Variants in PRDM10 observed in about 807,000 individuals in gnomAD.
PRDM10 encodes PR/SET domain 10.
PRDM10 carries 65 observed loss-of-function variants against 133.1 expected under a neutral mutation model. The observed-to-expected ratio is 0.49, with a 90% confidence interval of 0.40 to 0.60. The LOEUF (loss-of-function observed/expected upper bound fraction) is 0.60, where lower values mean the gene tolerates loss of function less well. Among genes scored for constraint, PRDM10 ranks in the 20% least tolerant of loss-of-function variants. The pLI, the probability that PRDM10 is intolerant of heterozygous loss-of-function variation, is 0.00. For synonymous variants in PRDM10, 582 were observed against 580.4 expected (o/e 1.00, Z -0.04); for missense variants, 1,137 against 1,507.1 (o/e 0.75, Z 4.07).
chr11:129,944,512 A>G (rs34120481), intron 6 of PRDM10, among the ~76,000 whole-genome samples: 258 of 151,684 alleles, frequency 1.7e-3, no homozygotes, highest in African/African-American at 3.7e-3. Flanking sequence ...GTGAACCCGG[A>G]AGGCGGAGCT....
At chr11:129,986,309 C>T (rs961347295) in intron 1 of PRDM10, among the ~76,000 whole-genome samples, 3 of 152,098 alleles carry the variant, frequency 2.0e-5, no homozygotes, top group African/African-American at 7.2e-5. Context: ...ATAGCTGGGG[C>T]CTTAACATGA....
At chr11:129,989,460 G>C (rs563640838) in intron 1 of PRDM10, among the ~76,000 whole-genome samples, 2 of 152,218 alleles carry the variant, frequency 1.3e-5, no homozygotes, top group African/African-American at 4.8e-5. Context: ...GTAAAACCCT[G>C]TTTCACCCAT....
intron 16 of PRDM10, 108 bp downstream of exon 16, chr11:129,915,552 T>C (rs1950330585): frequency 8.2e-7 from 1 of 1,215,088 alleles, no homozygotes; most frequent in Admixed American, 2.5e-5. Context: ...CAGTCCCCCG[T>C]CAACTCAGAA....
chr11:129,905,601 T>C (rs752724595), intron 20 of PRDM10, 37 bp downstream of exon 20: 13 of 1,494,010 alleles, frequency 8.7e-6, no homozygotes, highest in East Asian at 2.3e-5. Flanking sequence ...GCACCACAGG[T>C]TGGACAGGAA....
rs1412247513 is a variant in PRDM10 at position 129,974,595 on chromosome 11, A to T, written c.-118-13513T>A. Among the ~76,000 whole-genome samples, 3 of 152,194 alleles carry T rather than the reference A, an allele frequency of 2.0e-5. No individual in the cohort carries two copies. In the East Asian group the frequency reaches 5.8e-4, roughly 29 times the overall value. On this transcript the variant is annotated intron_variant, in intron 1 of 20. Coordinates refer to ENST00000360871, the MANE Select transcript of PRDM10 (RefSeq NM_199437.2). ...AGATAGGAATTAGAAGTGACAGTGG[A>T]AGAGTCTAAAAGATCATTCCCATGA...
chr11:129,965,867 G>A (rs1274855224), intron 1 of PRDM10, among the ~76,000 whole-genome samples: 1 of 152,040 alleles, frequency 6.6e-6, no homozygotes, highest in Non-Finnish European at 1.5e-5. Flanking sequence ...ACAAATCTGG[G>A]TTCTGAGCTC....
At chr11:129,985,061 C>CT (rs1938336199) in intron 1 of PRDM10, among the ~76,000 whole-genome samples, 1 of 152,316 alleles carries the variant, frequency 6.6e-6, no homozygotes, top group African/African-American at 2.4e-5. Flanking sequence ...GCAGGAGCAT[C>CT]ACCTCACTGG....
chr11:129,946,203 T>C (rs1951405058), intron 5 of PRDM10, among the ~76,000 whole-genome samples: 1 of 151,876 alleles, frequency 6.6e-6, no homozygotes, highest in Non-Finnish European at 1.5e-5. Flanking sequence ...TGAACCGAGC[T>C]TGAACCACTG....
At chr11:129,949,997 A>G (rs968387186) in intron 4 of PRDM10, among the ~76,000 whole-genome samples, 8 of 130,916 alleles carry the variant, frequency 6.1e-5, no homozygotes, top group Admixed American at 2.0e-4. Context: ...GCACTCTCCG[A>G]GGTTGAGGCA....
At chr11:129,974,809 G>T (rs991923619) in intron 1 of PRDM10, among the ~76,000 whole-genome samples, 1 of 152,236 alleles carries the variant, frequency 6.6e-6, no homozygotes, top group Admixed American at 6.5e-5. Context: ...ACAAACTGTG[G>T]TCTGTACATA....
intron 8 of PRDM10, 125 bp downstream of exon 8, chr11:129,937,473 A>T: frequency 2.7e-6 from 2 of 738,922 alleles, no homozygotes; most frequent in Non-Finnish European, 4.2e-6. Flanking sequence ...GTGTGTCTCT[A>T]AAAAACCTAC....
Position 129,957,768 on chromosome 11 carries a change from A to AT in PRDM10, c.211dup (p.Ile71AsnfsTer35). The AT allele has an allele frequency of 6.2e-7, 1 of 1,613,488 alleles. No individual in the cohort carries two copies. Among genetic ancestry groups the AT allele is most frequent in the Non-Finnish European group, 8.5e-7 (1 of 1,179,570 alleles). Reference sequence around the variant, plus strand: ...TGCCTGTGCAGCTTCCACCGGGTGGATGTACACCAGCGTGTGCTCTGGACC... The same window carrying AT: ...TGCCTGTGCAGCTTCCACCGGGTGGATTGTACACCAGCGTGTGCTCTGGACC... On this transcript the variant is annotated frameshift_variant, in exon 3 of 21. Coordinates refer to ENST00000360871, the MANE Select transcript of PRDM10 (RefSeq NM_199437.2). LOFTEE classifies it high-confidence loss of function.
At chr11:129,940,757 C>T (rs1255898598) in intron 7 of PRDM10, among the ~76,000 whole-genome samples, 1 of 152,182 alleles carries the variant, frequency 6.6e-6, no homozygotes, top group Non-Finnish European at 1.5e-5. Context: ...CAATTCCTGA[C>T]ATTTGTTCAT....
intron 1 of PRDM10, among the ~76,000 whole-genome samples, chr11:129,993,177 CTTCA>C (rs1460904767): frequency 1.3e-5 from 2 of 152,146 alleles, no homozygotes; most frequent in African/African-American, 4.8e-5. Context: ...TGTGCATTTC[CTTCA>C]TTAACATGGT....
chr11:129,998,761 GGACA>G (rs1402893433), intron 1 of PRDM10, among the ~76,000 whole-genome samples: 3 of 151,728 alleles, frequency 2.0e-5, no homozygotes, highest in Admixed American at 2.0e-4. Flanking sequence ...TTTGGAAGGT[GGACA>G]GAAATGGCCA....
At chr11:129,960,744 G>A (rs1425465552) in intron 2 of PRDM10, 152 bp downstream of exon 2, 6 of 718,838 alleles carry the variant, frequency 8.3e-6, no homozygotes, top group Non-Finnish European at 1.4e-5. Flanking sequence ...CATTCAAGGG[G>A]CCAAAACAGT....
At chr11:129,996,318 G>C (rs55966051) in intron 1 of PRDM10, among the ~76,000 whole-genome samples, 7 of 152,344 alleles carry the variant, frequency 4.6e-5, no homozygotes, top group Non-Finnish European at 8.8e-5. Flanking sequence ...TCTGGTACAG[G>C]GGATGGCGAG....
intron 1 of PRDM10, among the ~76,000 whole-genome samples, chr11:129,973,058 G>C (rs1937606874): frequency 6.6e-6 from 1 of 151,960 alleles, no homozygotes; most frequent in Non-Finnish European, 1.5e-5. Flanking sequence ...TTTTGTCTAA[G>C]ATAAAAGTTC....
At chr11:130,001,359 C>T (rs982881351) in intron 1 of PRDM10, among the ~76,000 whole-genome samples, 4 of 152,056 alleles carry the variant, frequency 2.6e-5, no homozygotes, top group Admixed American at 6.6e-5. Context: ...ACAAAGAGAA[C>T]AGGTCAGAAA....
Sources: allele counts gnomAD v4.1 joint callset (sites outside exome capture counted in the v4.1 genomes callset), GRCh38; gene constraint gnomAD v4.1.1; transcripts MANE v1.5; gene names NCBI Gene and HGNC (gene_info 2026-07-23, HGNC 2026-07-21).